Variants in NKAIN3 observed in about 807,000 individuals in gnomAD.
NKAIN3 encodes the protein sodium/potassium transporting ATPase interacting 3, also known as sodium/potassium-transporting ATPase subunit beta-1-interacting protein 3.
NKAIN3 carries 25 observed loss-of-function variants against 30.2 expected under a neutral mutation model. The observed-to-expected ratio is 0.83, with a 90% CI of 0.60 to 1.16. The LOEUF is 1.16. NKAIN3 is among the 50% of genes most tolerant of loss of function. The pLI is 0.00. For missense variants in NKAIN3, 225 were observed against 254.1 expected, an observed-to-expected ratio of 0.89 and a Z score of 0.78; for synonymous variants, 91 against 89.6, an observed-to-expected ratio of 1.02 and a Z score of -0.09.
chr8:62,903,913 G>A lies in NKAIN3; in HGVS notation c.472-14540G>A, dbSNP rs186296419. Among the ~76,000 whole-genome samples, 201 of 152,172 alleles carry A rather than the reference G, an allele frequency of 1.3e-3. 1 individual carries two copies. Among genetic ancestry groups the A allele is most frequent in the African/African-American group, 4.6e-3 (192 of 41,528 alleles). On this transcript the variant is annotated intron_variant, in intron 4 of 6. Coordinates refer to ENST00000623646, the MANE Select transcript of NKAIN3 (RefSeq NM_001304533.3). ...TCACTATCATGAGAATGGCATGGGG[G>A]AAACCACCCCCATGATTCAATTATC...
chr8:62,422,708 A>G (rs1585791883), intron 1 of NKAIN3, among the ~76,000 whole-genome samples: 1 of 152,198 alleles, frequency 6.6e-6, no homozygotes, highest in East Asian at 1.9e-4. Context: ...TGGAGTTAGT[A>G]TAGGTGTTTA....
At chr8:62,481,384 G>A (rs1300867075) in intron 1 of NKAIN3, among the ~76,000 whole-genome samples, 1 of 151,894 alleles carries the variant, frequency 6.6e-6, no homozygotes, top group East Asian at 1.9e-4. Context: ...GAGAAGCCTC[G>A]AGCTGGATTA....
At position 62,444,177 on chromosome 8, in the gene NKAIN3, ATG is replaced by A. The variant is rs561465363; in HGVS notation, c.55-135359_55-135358del. On this transcript the variant is annotated intron_variant, in intron 1 of 6. Transcript: ENST00000623646. Reference sequence around the variant, plus strand: ...TTTCATAATTTATATAATATATAATATGTGAAGGACAAATCAGGGTAATTGAG... The same window carrying A: ...TTTCATAATTTATATAATATATAATATGAAGGACAAATCAGGGTAATTGAG... Among the ~76,000 whole-genome samples the A allele has an allele frequency of 5.3e-5, 8 of 152,268 alleles. No individual in the cohort carries two copies. In the East Asian group the frequency reaches 1.5e-3, roughly 29 times the overall value.
intron 1 of NKAIN3, among the ~76,000 whole-genome samples, chr8:62,347,812 G>A (rs980884139): frequency 1.3e-5 from 2 of 151,986 alleles, no homozygotes; most frequent in African/African-American, 2.4e-5. Context: ...AAATGACAAC[G>A]GGAAAGCAAG....
intron 5 of NKAIN3, among the ~76,000 whole-genome samples, chr8:62,994,303 T>C (rs1403209753): frequency 2.0e-5 from 3 of 152,290 alleles, no homozygotes; most frequent in Admixed American, 6.5e-5. Context: ...GGAGTCTGTG[T>C]GCTGGAGTAT....
At chr8:62,569,896 T>C (rs1010849294) in intron 1 of NKAIN3, among the ~76,000 whole-genome samples, 2 of 152,238 alleles carry the variant, frequency 1.3e-5, no homozygotes, top group Non-Finnish European at 2.9e-5. Context: ...AAGAGTTGAT[T>C]CTTCATGATT....
downstream of NKAIN3, among the ~76,000 whole-genome samples, chr8:62,986,608 T>C (rs1474671897): frequency 2.6e-5 from 4 of 152,198 alleles, no homozygotes; most frequent in Non-Finnish European, 5.9e-5. Context: ...GTATATATTA[T>C]TTTTCTTCTC....
chr8:62,740,015 A>G (rs1815813117), intron 3 of NKAIN3, among the ~76,000 whole-genome samples: 1 of 152,164 alleles, frequency 6.6e-6, no homozygotes, highest in Non-Finnish European at 1.5e-5. Flanking sequence ...ATGTAGAAAA[A>G]TATCATATAA....
intron 1 of NKAIN3, among the ~76,000 whole-genome samples, chr8:62,470,688 A>G (rs956004201): frequency 2.0e-5 from 3 of 152,130 alleles, no homozygotes; most frequent in Admixed American, 2.0e-4. Context: ...CACCAGTGAT[A>G]ACGTTAAGAT....
Position 62,975,666 on chromosome 8 carries a change from G to A in NKAIN3, c.*10259G>A, listed in dbSNP as rs1380948609. ...GGTTTTTCGTATCTCTTTCAGTTCT[G>A]TTCTGATCTTAGTTATTTCTTGTCT... On this transcript the variant is annotated 3_prime_UTR_variant, in exon 7 of 7. Coordinates refer to ENST00000623646, the MANE Select transcript of NKAIN3 (RefSeq NM_001304533.3). Among the ~76,000 whole-genome samples, 1 of 152,008 alleles carries A rather than the reference G, an allele frequency of 6.6e-6. No homozygotes were observed. Among genetic ancestry groups the A allele is most frequent in the Non-Finnish European group, 1.5e-5 (1 of 67,998 alleles).
intron 2 of NKAIN3, 121 bp from the exon 3 acceptor site, chr8:62,589,593 G>A (rs980800830): frequency 2.0e-5 from 10 of 505,098 alleles, no homozygotes; most frequent in Admixed American, 6.8e-5. Flanking sequence ...TTTTCTGAGC[G>A]CTCCGTCAGT....
intron 1 of NKAIN3, among the ~76,000 whole-genome samples, chr8:62,257,558 A>G (rs1267285970): frequency 1.3e-5 from 2 of 152,106 alleles, no homozygotes; most frequent in Non-Finnish European, 2.9e-5. Context: ...CTCCTCTTCA[A>G]AAAAAATAAT....
At chr8:62,484,318 C>T (rs151315722) in intron 1 of NKAIN3, among the ~76,000 whole-genome samples, 17 of 152,346 alleles carry the variant, frequency 1.1e-4, no homozygotes, top group African/African-American at 3.8e-4. Context: ...TACCCCAACA[C>T]CCACCATGCC....
chr8:62,777,246 TG>T (rs1299729940), intron 4 of NKAIN3, among the ~76,000 whole-genome samples: 2 of 152,188 alleles, frequency 1.3e-5, no homozygotes, highest in Non-Finnish European at 2.9e-5. Context: ...TCTCTAGGTT[TG>T]GACGTTCTTT....
chr8:62,599,778 C>T (rs936620), intron 3 of NKAIN3, among the ~76,000 whole-genome samples: 126,560 of 151,968 alleles, frequency 0.83, 53,193 homozygotes, highest in African/African-American at 0.95. Flanking sequence ...AGCTTTTTGA[C>T]ATACATCTGC....
intron 3 of NKAIN3, among the ~76,000 whole-genome samples, chr8:62,652,107 T>C (rs1812639830): frequency 6.6e-6 from 1 of 152,060 alleles, no homozygotes; most frequent in African/African-American, 2.4e-5. Flanking sequence ...ACTAAACCCA[T>C]AGGGGGTCCA....
chr8:62,698,395 G>A (rs1814229981), intron 3 of NKAIN3, among the ~76,000 whole-genome samples: 1 of 152,156 alleles, frequency 6.6e-6, no homozygotes, highest in Non-Finnish European at 1.5e-5. Context: ...TCTCATCTGA[G>A]TCCCCTACTC....
Position 62,249,054 on chromosome 8 carries a change from G to C in NKAIN3, c.-20G>C. The C allele has an allele frequency of 6.5e-7, 1 of 1,532,688 alleles. No individual in the cohort carries two copies. The highest frequency in any genetic ancestry group is 8.8e-7 in the Non-Finnish European group (1 of 1,142,048). The allele number at this position is 1,532,688 out of a possible 1,614,324, so 94.9% of individuals were successfully genotyped here. On this transcript the variant is annotated 5_prime_UTR_variant, in exon 1 of 7. Transcript: ENST00000623646. The stretch of plus-strand genomic sequence containing the variant: ...ACGAGGATCTCTGGCAGTCAGCGCC[G>C]CTCGGACGCCGCCGGCACCATGGGC...
intron 5 of NKAIN3, among the ~76,000 whole-genome samples, chr8:62,919,360 T>G (rs1015539097): frequency 5.5e-5 from 8 of 145,580 alleles, no homozygotes; most frequent in Non-Finnish European, 1.2e-4. Flanking sequence ...TTCTCCTGCC[T>G]CAGCCTCCTG....
Sources: allele counts gnomAD v4.1 joint callset (sites outside exome capture counted in the v4.1 genomes callset), GRCh38; gene constraint gnomAD v4.1.1; transcripts MANE v1.5; gene names NCBI Gene and HGNC (gene_info 2026-07-23, HGNC 2026-07-21).